The following MAP2K5 variants were observed in gnomAD, a reference collection of about 807,000 sequenced individuals.
MAP2K5 encodes dual specificity mitogen-activated protein kinase kinase 5.
MAP2K5 carries 49 observed loss-of-function variants against 83.1 expected under a neutral mutation model. The observed-to-expected ratio is 0.59, with a 90% CI of 0.47 to 0.75. The LOEUF (loss-of-function observed/expected upper bound fraction) is 0.75, where lower values mean the gene tolerates loss of function less well. Ranked by LOEUF, MAP2K5 falls within the 30% of genes least tolerant of loss-of-function variation. The pLI is 0.00. For missense variants in MAP2K5, 457 were observed against 557.5 expected, an observed-to-expected ratio of 0.82 and a Z score of 1.82; for synonymous variants, 202 against 191.8, an observed-to-expected ratio of 1.05 and a Z score of -0.44.
In MAP2K5 at chr15:67,629,937, G is replaced by T. The variant is rs552203046; in HGVS notation, c.546-951G>T. On this transcript the variant is annotated intron_variant, in intron 8 of 21. Coordinates refer to ENST00000178640, the MANE Select transcript of MAP2K5 (RefSeq NM_145160.3). The stretch of plus-strand genomic sequence containing the variant: ...TAGTCCCCACAGTATATGTGTAAAG[G>T]CCACATTTCATTTAAACATAAAAGG... 9.2e-5 allele frequency among the ~76,000 whole-genome samples: 14 copies of T among 152,162 alleles called. No homozygotes were observed. The South Asian group carries it at 2.9e-3, about 32-fold the overall frequency.
In MAP2K5 at chr15:67,636,354, G is replaced by C. The variant is rs1424941175; in HGVS notation, c.585+5427G>C. ...ACCTGGGAAGTGGAGCTTGCAGTGAGCCAAGATTGCGCCACTGCACTCCAG... is the reference window on the plus strand; with the variant it reads ...ACCTGGGAAGTGGAGCTTGCAGTGACCCAAGATTGCGCCACTGCACTCCAG... On this transcript the variant is annotated intron_variant, in intron 9 of 21. Transcript: ENST00000178640. This position sits in a 1 kb window ranked among gnomAD's most constrained non-coding sequence, Gnocchi z 4.7. 6.6e-6 allele frequency among the ~76,000 whole-genome samples: 1 copy of C among 151,270 alleles called. No individual in the cohort carries two copies. The highest frequency in any genetic ancestry group is 6.6e-5 in the Admixed American group (1 of 15,204).
chr15:67,702,435 G>A lies in MAP2K5; in HGVS notation c.973-902G>A, dbSNP rs191241614. 6.6e-6 allele frequency among the ~76,000 whole-genome samples: 1 copy of A among 152,160 alleles called. No individual in the cohort carries two copies. Among genetic ancestry groups the A allele is most frequent in the Non-Finnish European group, 1.5e-5 (1 of 68,012 alleles). The stretch of plus-strand genomic sequence containing the variant: ...TGGTATCTATTGAATTGGATATTGG[G>A]GTGTAAGTTATGATCTCAGCCTTGC... On this transcript the variant is annotated intron_variant, in intron 15 of 21. Transcript: ENST00000178640. The surrounding 1 kb of genome is among the most constrained non-coding windows in gnomAD (Gnocchi z 4.6).
intron 19 of MAP2K5, among the ~76,000 whole-genome samples, chr15:67,752,267 A>G (rs1026027516): frequency 6.6e-6 from 1 of 151,386 alleles, no homozygotes; most frequent in Non-Finnish European, 1.5e-5. Context: ...GGGTTTCACC[A>G]TGTTGGCCAG....
intron 2 of MAP2K5, among the ~76,000 whole-genome samples, chr15:67,550,777 CTTT>C (rs11334748): frequency 4.4e-5 from 6 of 135,652 alleles, no homozygotes; most frequent in Non-Finnish European, 4.8e-5. Flanking sequence ...TTTCTTTTTT[CTTT>C]TTTTTTTTTG....
rs2085083299 is a variant in MAP2K5, at chr15:67,577,147, G to A, written c.253-3607G>A. On this transcript the variant is annotated intron_variant, in intron 3 of 21. Transcript: ENST00000178640. This position sits in a 1 kb window ranked among gnomAD's most constrained non-coding sequence, Gnocchi z 4.1. ...AGACGGGGTTTCACCTTGTTAGCCGGGATGGTCTCGATCTCCTGACCTCAT... is the reference window on the plus strand; with the variant it reads ...AGACGGGGTTTCACCTTGTTAGCCGAGATGGTCTCGATCTCCTGACCTCAT... 6.6e-6 allele frequency among the ~76,000 whole-genome samples: 1 copy of A among 151,660 alleles called. No individual in the cohort carries two copies. Among genetic ancestry groups the A allele is most frequent in the African/African-American group, 2.4e-5 (1 of 41,262 alleles).
intron 21 of MAP2K5, among the ~76,000 whole-genome samples, chr15:67,806,188 A>C (rs1328043262): frequency 6.6e-6 from 1 of 152,222 alleles, no homozygotes; most frequent in Non-Finnish European, 1.5e-5. Flanking sequence ...GCTGTAGACA[A>C]AGGAGAAAGC....
At position 67,806,649 on chromosome 15, in the gene MAP2K5, C is replaced by T. The variant is rs1464896144; in HGVS notation, c.1246C>T (p.His416Tyr). 11 of 1,550,286 alleles carry T rather than the reference C, an allele frequency of 7.1e-6. No homozygotes were observed. The highest frequency in any genetic ancestry group is 2.7e-5 in the African/African-American group (2 of 73,044). Residue 416 changes from histidine (H) to tyrosine (Y), a missense_variant, in exon 22 of 22, where the codon CAC becomes TAC. By Grantham distance (83) the His-to-Tyr change is moderately conservative. Around this residue, in one of 3 missense-constraint regions of MAP2K5, gnomAD observed 55 missense variants for 50.9 expected, o/e 1.08. Transcript: ENST00000178640. ...ERPAPEELMG[H>Y]PFIVQFNDGN... ...AGCCTCCTCCTCTTCCCCGCAGGGC[C>T]ACCCGTTCATCGTGCAGTTCAATGA...
rs547040671 is a variant in MAP2K5, at chr15:67,794,042, C to T, written c.1243-12604C>T. Among the ~76,000 whole-genome samples the T allele has an allele frequency of 4.8e-4, 73 of 152,220 alleles. No individual in the cohort carries two copies. The highest frequency in any genetic ancestry group is 4.8e-4 in the Non-Finnish European group (33 of 68,048). On this transcript the variant is annotated intron_variant, in intron 21 of 21. Transcript: ENST00000178640. The surrounding 1 kb of genome is among the most constrained non-coding windows in gnomAD (Gnocchi z 4.6). ...CAACTGAATAACTTGTCTTTCTTAA[C>T]AGTGGAAATAGACTTTGGTTTCATG...
intron 7 of MAP2K5, 26 bp downstream of exon 7, chr15:67,593,000 T>C: frequency 6.9e-7 from 1 of 1,456,700 alleles, no homozygotes; most frequent in South Asian, 1.2e-5. Context: ...TATTAAGATT[T>C]TCACATAATA....
chr15:67,773,687 C>T (rs2090183894), intron 21 of MAP2K5, among the ~76,000 whole-genome samples: 1 of 152,196 alleles, frequency 6.6e-6, no homozygotes, highest in Admixed American at 6.5e-5. Flanking sequence ...GTACTTTCCT[C>T]CTTCATGTTC....
chr15:67,764,057 C>T lies in MAP2K5; in HGVS notation c.1135-5545C>T, dbSNP rs1364457915. 1.3e-5 allele frequency among the ~76,000 whole-genome samples: 2 copies of T among 152,094 alleles called. No individual in the cohort carries two copies. The highest frequency in any genetic ancestry group is 6.5e-5 in the Admixed American group (1 of 15,268). ...ACCTGTTGGCTTGGTGGCTTGACAC[C>T]GTAAGTCTAGAAGTGGGCTATTAAA... On this transcript the variant is annotated intron_variant, in intron 19 of 21. Coordinates refer to ENST00000178640, the MANE Select transcript of MAP2K5 (RefSeq NM_145160.3). The surrounding 1 kb of genome is among the most constrained non-coding windows in gnomAD (Gnocchi z 4.9).
chr15:67,703,334 C>A lies in MAP2K5; in HGVS notation c.973-3C>A. The A allele has an allele frequency of 1.2e-6, 2 of 1,611,502 alleles. No homozygotes were observed. Among genetic ancestry groups the A allele is most frequent in the East Asian group, 2.2e-5 (1 of 44,836 alleles). Reference sequence around the variant, plus strand: ...TCACAGGCTCCCTTCTGATTTCTTGCAGCCTGAAAGGATTTCAGGGGAGCA... The same window carrying A: ...TCACAGGCTCCCTTCTGATTTCTTGAAGCCTGAAAGGATTTCAGGGGAGCA... On this transcript the variant is annotated splice_polypyrimidine_tract_variant and splice_region_variant and intron_variant, in intron 15 of 21. Coordinates refer to ENST00000178640, the MANE Select transcript of MAP2K5 (RefSeq NM_145160.3).
intron 8 of MAP2K5, among the ~76,000 whole-genome samples, chr15:67,613,275 G>A (rs2085973868): frequency 6.6e-6 from 1 of 152,166 alleles, no homozygotes; most frequent in Non-Finnish European, 1.5e-5. Flanking sequence ...AAGGTATCTT[G>A]CAAATGTTAA....
At position 67,775,757 on chromosome 15, in the gene MAP2K5, G is replaced by C. The variant is rs867725342; in HGVS notation, c.1242+3005G>C. On this transcript the variant is annotated intron_variant, in intron 21 of 21. Transcript: ENST00000178640. This position sits in a 1 kb window ranked among gnomAD's most constrained non-coding sequence, Gnocchi z 5.3. ...TTGGAGGATGAAGTGAATTTTAATA[G>C]AGAGCTTTGAAGGGGCCATTCCAGG... Among the ~76,000 whole-genome samples, 1 of 152,206 alleles carries C rather than the reference G, an allele frequency of 6.6e-6. No homozygotes were observed. The highest frequency in any genetic ancestry group is 1.5e-5 in the Non-Finnish European group (1 of 68,030).
At chr15:67,734,404 A>T (rs2089293572) in intron 17 of MAP2K5, among the ~76,000 whole-genome samples, 1 of 152,194 alleles carries the variant, frequency 6.6e-6, no homozygotes, top group Admixed American at 6.5e-5. Flanking sequence ...TCTTTTAAAC[A>T]TTCATTTATT....
At chr15:67,609,427 A>G (rs1233608103) in intron 8 of MAP2K5, among the ~76,000 whole-genome samples, 1 of 151,832 alleles carries the variant, frequency 6.6e-6, no homozygotes, top group Non-Finnish European at 1.5e-5. Flanking sequence ...GACCTATTCT[A>G]TAGGTCTATA....
chr15:67,703,344 G>C lies in MAP2K5; in HGVS notation c.980G>C (p.Arg327Thr). The C allele has an allele frequency of 6.2e-7, 1 of 1,612,824 alleles. No homozygotes were observed. The highest frequency in any genetic ancestry group is 8.5e-7 in the Non-Finnish European group (1 of 1,178,968). Residue 327 changes from arginine to threonine, a missense_variant, in exon 16 of 22, where the codon AGG (arginine) becomes ACG (threonine). Around this residue, in one of 3 missense-constraint regions of MAP2K5, gnomAD observed 168 missense variants for 263.0 expected, o/e 0.64. Transcript: ENST00000178640. ...CCTTCTGATTTCTTGCAGCCTGAAA[G>C]GATTTCAGGGGAGCAGTATGGAATT... ...VGTNAYMAPE[R>T]ISGEQYGIHS...
rs1346646245 is a variant in MAP2K5 at position 67,573,569 on chromosome 15, A to T, written c.253-7185A>T. Among the ~76,000 whole-genome samples, 1 of 152,100 alleles carries T rather than the reference A, an allele frequency of 6.6e-6. No homozygotes were observed. Among genetic ancestry groups the T allele is most frequent in the Non-Finnish European group, 1.5e-5 (1 of 68,016 alleles). ...TTTGTGGGCGGGTACACAAATCCAA[A>T]CCATATCAGACTCCATCTTGAATAG... On this transcript the variant is annotated intron_variant, in intron 3 of 21. Coordinates refer to ENST00000178640, the MANE Select transcript of MAP2K5 (RefSeq NM_145160.3). This position sits in a 1 kb window ranked among gnomAD's most constrained non-coding sequence, Gnocchi z 4.2.
chr15:67,727,427 C>CT (rs1448730102), intron 16 of MAP2K5, among the ~76,000 whole-genome samples: 1 of 152,148 alleles, frequency 6.6e-6, no homozygotes, highest in African/African-American at 2.4e-5. Flanking sequence ...GATGAAAAAA[C>CT]TTTAACAAAT....
Sources: allele counts gnomAD v4.1 joint callset (sites outside exome capture counted in the v4.1 genomes callset), GRCh38; gene constraint gnomAD v4.1.1; regional missense constraint gnomAD v4.1.1; non-coding constraint Gnocchi (gnomAD v3.1); transcripts MANE v1.5; gene names NCBI Gene and HGNC (gene_info 2026-07-23, HGNC 2026-07-21).